The following PGPEP1L variants were observed in gnomAD, a reference collection of about 807,000 sequenced individuals.
PGPEP1L encodes pyroglutamyl-peptidase I like, also known as pyroglutamyl-peptidase 1-like protein.
Under a neutral mutation model 6.0 loss-of-function variants are expected in PGPEP1L, and 7 were observed. That is an observed-to-expected ratio of 1.17 (90% CI 0.66 to 2.19). PGPEP1L has a LOEUF of 2.19. Ranked by LOEUF, PGPEP1L falls within the 30% of genes most tolerant of loss-of-function variation. The pLI, the probability that PGPEP1L is intolerant of heterozygous loss-of-function variation, is 0.00. For missense variants in PGPEP1L, 209 were observed against 192.5 expected, an observed-to-expected ratio of 1.09 and a Z score of -0.51; for synonymous variants, 103 against 83.9, an observed-to-expected ratio of 1.23 and a Z score of -1.24.
chr15:98,993,349 CTCA>C (rs782112341), intron 2 of PGPEP1L, among the ~76,000 whole-genome samples: 3 of 152,160 alleles, frequency 2.0e-5, no homozygotes, highest in South Asian at 4.1e-4. Context: ...TATAAAAAAG[CTCA>C]TCATCACTGG....
chr15:98,983,467 G>A (rs775330964), intron 2 of PGPEP1L, among the ~76,000 whole-genome samples: 10 of 152,162 alleles, frequency 6.6e-5, no homozygotes, highest in Non-Finnish European at 1.2e-4. Flanking sequence ...GTGCAGTTAC[G>A]TAATGTCTTG....
intron 4 of PGPEP1L, among the ~76,000 whole-genome samples, chr15:98,969,186 T>G (rs898917843): frequency 2.0e-5 from 3 of 152,044 alleles, no homozygotes; most frequent in Non-Finnish European, 2.9e-5. Context: ...CCATCTCTTC[T>G]CCTAGATCAA....
At chr15:99,005,217 G>A (rs1440311290) in intron 2 of PGPEP1L, among the ~76,000 whole-genome samples, 2 of 152,214 alleles carry the variant, frequency 1.3e-5, no homozygotes, top group African/African-American at 4.8e-5. Context: ...TGAAGCGAAT[G>A]AGCCACAGAA....
At chr15:98,985,147 T>C (rs1052472760) in intron 2 of PGPEP1L, among the ~76,000 whole-genome samples, 3 of 152,166 alleles carry the variant, frequency 2.0e-5, no homozygotes, top group Admixed American at 6.5e-5. Context: ...GGGACAGCCA[T>C]GAAGAGATGG....
In PGPEP1L at chr15:98,969,373, G is replaced by A. The variant is rs996039776; in HGVS notation, c.209+52C>T. The A allele has an allele frequency of 8.7e-5, 139 of 1,601,526 alleles. No individual in the cohort carries two copies. In the Middle Eastern group the frequency reaches 1.3e-3, roughly 15 times the overall value. ...TCTTGGAGGTCGGGGGGACGCTGAC[G>A]GCCATTGCTTCTCTCCTACCTGCTC... On this transcript the variant is annotated intron_variant, in intron 4 of 4. Coordinates refer to ENST00000535714, the MANE Select transcript of PGPEP1L (RefSeq NM_001167902.2).
chr15:99,001,702 ATTT>A (rs2017973456), intron 2 of PGPEP1L, among the ~76,000 whole-genome samples: 1 of 149,118 alleles, frequency 6.7e-6, no homozygotes, highest in Non-Finnish European at 1.5e-5. Flanking sequence ...TCATTTATAT[ATTT>A]GTGTTTTTTA....
chr15:99,006,992 C>A (rs1242652098), intron 1 of PGPEP1L, among the ~76,000 whole-genome samples: 6 of 152,272 alleles, frequency 3.9e-5, no homozygotes, highest in African/African-American at 1.2e-4. Flanking sequence ...GACCACGTGG[C>A]TCCATCTGCT....
chr15:99,006,716 T>C (rs373247897), intron 1 of PGPEP1L, among the ~76,000 whole-genome samples: 1 of 152,222 alleles, frequency 6.6e-6, no homozygotes. Context: ...TCAGGGAGGC[T>C]GAAGCGGGAG....
intron 2 of PGPEP1L, among the ~76,000 whole-genome samples, chr15:98,980,783 T>C (rs2017647065): frequency 6.6e-6 from 1 of 151,936 alleles, no homozygotes. Context: ...AATACAAAAA[T>C]TAGCCAGGCG....
chr15:98,968,549 C>A lies in PGPEP1L; in HGVS notation c.358G>T (p.Val120Leu). 6.2e-7 allele frequency: 1 copy of A among 1,607,994 alleles called. No individual in the cohort carries two copies. The highest frequency in any genetic ancestry group is 8.5e-7 in the Non-Finnish European group (1 of 1,177,520). ...TGGGCTCTGTGCTTGGGCTTTCCCACCTCTTCCAGCATTTCCTGGATGATG... is the reference window on the plus strand; with the variant it reads ...TGGGCTCTGTGCTTGGGCTTTCCCAACTCTTCCAGCATTTCCTGGATGATG... The part of the protein sequence containing the change: ...RVIIQEMLEE[V>L]GKPKHRAQFE... Residue 120 changes from valine to leucine, a missense_variant, in exon 5 of 5, where the codon GTG becomes TTG. By Grantham distance (32) the Val-to-Leu change is conservative. Transcript: ENST00000535714.
Position 98,968,675 on chromosome 15 carries a change from A to T in PGPEP1L, c.232T>A (p.Tyr78Asn). Residue 78 changes from tyrosine (Y) to asparagine (N), a missense_variant, in exon 5 of 5, where the codon TAC becomes AAC. By Grantham distance (143) the Tyr-to-Asn change is moderately radical. Transcript: ENST00000535714. ...CCCTTTCCATGATGCAGAGACAGGT[A>T]ATAGGTATAATCACAGACGTATCTG... ...AGRYVCDYTY[Y>N]LSLHHGKGCA... 1 of 1,576,064 alleles carries T rather than the reference A, an allele frequency of 6.3e-7. No homozygotes were observed. Among genetic ancestry groups the T allele is most frequent in the Non-Finnish European group, 8.6e-7 (1 of 1,160,400 alleles).
chr15:98,981,501 AAAAAAC>A (rs1423583062), intron 2 of PGPEP1L, among the ~76,000 whole-genome samples: 2 of 149,046 alleles, frequency 1.3e-5, no homozygotes, highest in East Asian at 4.1e-4. Context: ...AAAAAAAAAA[AAAAAAC>A]AAAAACAAAA....
intron 2 of PGPEP1L, among the ~76,000 whole-genome samples, chr15:98,994,541 G>C (rs1555472336): frequency 1.3e-5 from 2 of 151,916 alleles, no homozygotes; most frequent in African/African-American, 4.8e-5. Context: ...TGTAGTCCCA[G>C]CTATACTGCA....
At chr15:98,999,120 T>A (rs2017925792) in intron 2 of PGPEP1L, among the ~76,000 whole-genome samples, 1 of 152,222 alleles carries the variant, frequency 6.6e-6, no homozygotes, top group South Asian at 2.1e-4. Flanking sequence ...AATTAAAAAC[T>A]CTTGCTCTGT....
At chr15:98,990,208 C>G (rs2017800665) in intron 2 of PGPEP1L, among the ~76,000 whole-genome samples, 1 of 151,358 alleles carries the variant, frequency 6.6e-6, no homozygotes, top group South Asian at 2.1e-4. Flanking sequence ...AGAGTCAAGA[C>G]CCATTGGTGT....
chr15:99,004,331 C>T (rs1450411677), intron 2 of PGPEP1L, among the ~76,000 whole-genome samples: 18 of 151,402 alleles, frequency 1.2e-4, no homozygotes, highest in Admixed American at 2.6e-4. Flanking sequence ...ATTACTTGAG[C>T]CCAGGAGTTT....
Position 98,968,412 on chromosome 15 carries a change from A to G in PGPEP1L, c.*66T>C, listed in dbSNP as rs917366918. 9.3e-6 allele frequency: 14 copies of G among 1,502,026 alleles called. No individual in the cohort carries two copies. The Admixed American group carries it at 9.9e-5, about 11-fold the overall frequency. 93.0% of individuals were successfully genotyped at this position (1,502,026 alleles called of 1,614,324 possible). On this transcript the variant is annotated 3_prime_UTR_variant, in exon 5 of 5. Transcript: ENST00000535714. ...AAGCAATTTTTGAAAAAGTTTCTCA[A>G]TGCACAGTTGAGTGCTACATACAGG...
At chr15:98,993,816 G>A (rs1252450665) in intron 2 of PGPEP1L, among the ~76,000 whole-genome samples, 2 of 146,128 alleles carry the variant, frequency 1.4e-5, no homozygotes, top group African/African-American at 2.5e-5. Flanking sequence ...AGAACTTAAA[G>A]TATAATAAAA....
chr15:98,979,198 C>T (rs1013607715), intron 2 of PGPEP1L, among the ~76,000 whole-genome samples: 2 of 152,054 alleles, frequency 1.3e-5, no homozygotes, highest in African/African-American at 4.8e-5. Flanking sequence ...TTCATCAAAT[C>T]TAAGTCCCAG....
Sources: allele counts gnomAD v4.1 joint callset (sites outside exome capture counted in the v4.1 genomes callset), GRCh38; gene constraint gnomAD v4.1.1; transcripts MANE v1.5; gene names NCBI Gene and HGNC (gene_info 2026-07-23, HGNC 2026-07-21).